The following RP1 variants were observed in gnomAD, a reference collection of about 807,000 sequenced individuals.
RP1 encodes the protein oxygen-regulated protein 1.
A neutral mutation model predicts 14.8 loss-of-function variants in RP1; 16 were observed. That is an observed-to-expected ratio of 1.08 (90% CI 0.73 to 1.65). RP1 has a LOEUF of 1.65. Among genes scored for constraint, RP1 ranks in the 40% most tolerant of loss-of-function variants. RP1 has a pLI of 0.00. For missense variants in RP1, 2,631 were observed against 2,535.0 expected, an observed-to-expected ratio of 1.04 and a Z score of -0.81; for synonymous variants, 876 against 883.6, an observed-to-expected ratio of 0.99 and a Z score of 0.15.
intron 1 of RP1, among the ~76,000 whole-genome samples, chr8:54,607,077 T>C (rs1003076787): frequency 6.6e-6 from 1 of 152,234 alleles, no homozygotes; most frequent in Non-Finnish European, 1.5e-5. Context: ...CTTTGTTCCA[T>C]TGCTGGTGAG....
chr8:54,851,480 A>C (rs1179483906), intron 25 of RP1, among the ~76,000 whole-genome samples: 1 of 152,204 alleles, frequency 6.6e-6, no homozygotes, highest in Admixed American at 6.5e-5. Flanking sequence ...CCTCACAAGC[A>C]TCATACTTGT....
At chr8:54,645,577 A>T (rs1455638802) in intron 3 of RP1, among the ~76,000 whole-genome samples, 2 of 152,124 alleles carry the variant, frequency 1.3e-5, no homozygotes, top group Non-Finnish European at 2.9e-5. Context: ...AAACTTGAAG[A>T]TTATAGTTGA....
At chr8:54,792,522 A>T (rs1388999335) in intron 24 of RP1, among the ~76,000 whole-genome samples, 1 of 151,952 alleles carries the variant, frequency 6.6e-6, no homozygotes, top group East Asian at 1.9e-4. Context: ...TCTCACTACA[A>T]TAGTATGAAA....
intron 3 of RP1, chr8:54,648,860 T>C: frequency 3.6e-6 from 2 of 555,024 alleles, no homozygotes; most frequent in Non-Finnish European, 5.8e-6. Context: ...ATGGCACTTT[T>C]TCAGAGGAGA....
At chr8:54,561,699 A>G (rs1804289387) in intron 1 of RP1, 1 of 152,230 alleles carries the variant, frequency 6.6e-6, no homozygotes, top group South Asian at 2.1e-4. Context: ...ATTCTTTTAC[A>G]CTAGGTTGAC....
At chr8:54,755,035 G>T in intron 20 of RP1, 1 of 1,259,088 alleles carries the variant, frequency 7.9e-7, no homozygotes, top group Non-Finnish European at 1.0e-6. Flanking sequence ...TATTTTTCCT[G>T]CTTCTAAGAG....
At chr8:54,633,949 G>A (rs1585572631), downstream of RP1, among the ~76,000 whole-genome samples, 2 of 152,080 alleles carry the variant, frequency 1.3e-5, no homozygotes, top group Non-Finnish European at 2.9e-5. Context: ...AAAACTCACA[G>A]AGGCTAGTAA....
At position 54,656,134 on chromosome 8, in the gene RP1, C is replaced by T. The variant is rs922244606; in HGVS notation, c.1090C>T (p.Arg364Ter). The stretch of plus-strand genomic sequence containing the variant: ...AAAACAGTTTTATGTACCTGTTCAA[C>T]GATGGTTGGCACGAGATCAAGAGGA... Residue 364 changes from arginine to a stop codon, truncating the protein, a stop_gained, in exon 6 of 23, where the codon CGA (arginine) becomes TGA (stop). Coordinates refer to the RP1 transcript ENST00000636932. LOFTEE classifies it high-confidence loss of function. 28 of 1,535,168 alleles carry T rather than the reference C, an allele frequency of 1.8e-5. No homozygotes were observed. Among genetic ancestry groups the T allele is most frequent in the African/African-American group, 5.5e-5 (4 of 72,990 alleles).
chr8:54,599,031 A>G (rs1173347321), intron 1 of RP1, among the ~76,000 whole-genome samples: 2 of 152,140 alleles, frequency 1.3e-5, no homozygotes, highest in African/African-American at 2.4e-5. Flanking sequence ...GTTTTCAACC[A>G]TTATTTCTGG....
At chr8:54,653,009 G>A (rs1055572601) in intron 5 of RP1, 2 of 548,684 alleles carry the variant, frequency 3.6e-6, no homozygotes, top group Admixed American at 3.2e-5. Context: ...AGTATCATAT[G>A]CCCTTAATAA....
intron 14 of RP1, among the ~76,000 whole-genome samples, chr8:54,705,534 C>G (rs1203949954): frequency 6.6e-6 from 1 of 152,168 alleles, no homozygotes; most frequent in Non-Finnish European, 1.5e-5. Flanking sequence ...CACTTTCTGA[C>G]TCAAAGCCCC....
At chr8:54,777,353 G>C (rs1306819972) in intron 23 of RP1, among the ~76,000 whole-genome samples, 1 of 152,044 alleles carries the variant, frequency 6.6e-6, no homozygotes, top group Non-Finnish European at 1.5e-5. Context: ...AATAATCGGT[G>C]GTAAATAATC....
intron 17 of RP1, among the ~76,000 whole-genome samples, chr8:54,729,825 T>C (rs1299984304): frequency 2.0e-5 from 3 of 152,118 alleles, no homozygotes; most frequent in Non-Finnish European, 2.9e-5. Flanking sequence ...TAATTTGTAA[T>C]GGATGCTCAT....
In RP1 at chr8:54,629,203, C is replaced by A. The variant is rs138117956; in HGVS notation, c.5321C>A (p.Thr1774Asn). 1 of 1,614,092 alleles carries A rather than the reference C, an allele frequency of 6.2e-7. No individual in the cohort carries two copies. Among genetic ancestry groups the A allele is most frequent in the African/African-American group, 1.3e-5 (1 of 75,036 alleles). ...AATGCAGACACCACATCAGTGGACA[C>A]CCTACTTGATAATAACAGCAGTGAG... ...CGNADTTSVD[T>N]LLDNNSSEVP... is the part of the protein sequence containing the mutation. The change falls in exon 4 of 4, where the codon ACC becomes AAC. Residue 1774 changes from threonine to asparagine, a missense_variant. Thr to Asn is a moderately conservative substitution (Grantham distance 65). Transcript: ENST00000220676.
intron 24 of RP1, among the ~76,000 whole-genome samples, chr8:54,808,753 G>A (rs1456706398): frequency 1.3e-5 from 2 of 152,138 alleles, no homozygotes; most frequent in Non-Finnish European, 2.9e-5. Context: ...ATTTGGAAGG[G>A]ACTGATGAAC....
chr8:54,808,615 C>T (rs1211627501), intron 24 of RP1, among the ~76,000 whole-genome samples: 1 of 152,232 alleles, frequency 6.6e-6, no homozygotes, highest in Admixed American at 6.5e-5. Flanking sequence ...CAAAGCTCCC[C>T]TTCCTTTCAT....
intron 23 of RP1, among the ~76,000 whole-genome samples, chr8:54,780,373 T>C (rs1449761830): frequency 5.9e-5 from 9 of 152,246 alleles, no homozygotes; most frequent in Admixed American, 4.6e-4. Context: ...ATATAAACTG[T>C]GTGGTTTGAT....
At chr8:54,692,366 G>A (rs1258908667) in intron 12 of RP1, among the ~76,000 whole-genome samples, 22 of 97,220 alleles carry the variant, frequency 2.3e-4, no homozygotes, top group African/African-American at 1.1e-3. Flanking sequence ...GGTATTTCTA[G>A]TTCTAGATCC....
intron 12 of RP1, among the ~76,000 whole-genome samples, chr8:54,687,572 C>T (rs1048992049): frequency 2.0e-5 from 3 of 151,984 alleles, no homozygotes; most frequent in Non-Finnish European, 4.4e-5. Flanking sequence ...TTGGTTTTCT[C>T]TTCTTGTGTT....
Sources: allele counts gnomAD v4.1 joint callset (sites outside exome capture counted in the v4.1 genomes callset), GRCh38; gene constraint gnomAD v4.1.1; transcripts MANE v1.5; gene names NCBI Gene and HGNC (gene_info 2026-07-23, HGNC 2026-07-21).